CYFIP2: variants seen among roughly 807,000 people sequenced by gnomAD.
The protein encoded by CYFIP2 is cytoplasmic FMR1 interacting protein 2, also known as cytoplasmic FMR1-interacting protein 2.
Under a neutral mutation model 158.7 loss-of-function variants are expected in CYFIP2, and 29 were observed. That is an observed-to-expected ratio of 0.18 (90% CI 0.14 to 0.25). The LOEUF (loss-of-function observed/expected upper bound fraction) is 0.25. Ranked by LOEUF, CYFIP2 falls within the 10% of genes least tolerant of loss-of-function variation. The pLI is 1.00. For synonymous variants in CYFIP2, 585 were observed against 617.6 expected (o/e 0.95, Z 0.78); for missense variants, 852 against 1,639.5 (o/e 0.52, Z 8.29).
At chr5:157,325,346 A>C (rs1581063349) in intron 16 of CYFIP2, 136 bp from the exon 17 acceptor site, 1 of 946,954 alleles carries the variant, frequency 1.1e-6, no homozygotes, top group East Asian at 3.1e-5. Context: ...AAAAGAGAGC[A>C]GGATCTACTA....
chr5:157,349,869 A>T (rs1762955533), intron 23 of CYFIP2, among the ~76,000 whole-genome samples: 1 of 152,178 alleles, frequency 6.6e-6, no homozygotes, highest in Admixed American at 6.5e-5. Context: ...ATCATTAGCG[A>T]TGCTGAGCTT....
intron 23 of CYFIP2, among the ~76,000 whole-genome samples, chr5:157,358,556 C>T (rs1430381922): frequency 6.6e-6 from 1 of 152,206 alleles, no homozygotes; most frequent in African/African-American, 2.4e-5. Context: ...TAGATGGAAA[C>T]AACTAACAGT....
chr5:157,371,602 A>G (rs1245116640), intron 26 of CYFIP2, among the ~76,000 whole-genome samples: 3 of 152,200 alleles, frequency 2.0e-5, no homozygotes, highest in Non-Finnish European at 4.4e-5. Context: ...GCCAAGAGAA[A>G]TCAAGTCTCC....
At chr5:157,291,611 C>T (rs772120757) in intron 3 of CYFIP2, among the ~76,000 whole-genome samples, 31 of 152,196 alleles carry the variant, frequency 2.0e-4, no homozygotes, top group Non-Finnish European at 3.8e-4. Context: ...TGTCACTTCC[C>T]CTTTTGGACA....
chr5:157,361,296 C>T lies in CYFIP2; in HGVS notation c.2909-172C>T, dbSNP rs1763805092. On this transcript the variant is annotated intron_variant, in intron 25 of 30. Transcript: ENST00000620254. This position sits in a 1 kb window ranked among gnomAD's most constrained non-coding sequence, Gnocchi z 4.4. ...ATGAGCCAGCTACTCGAACTTTGTCCAGTACTGAGCCCTGAAAGAAATCTC... is the reference window on the plus strand; with the variant it reads ...ATGAGCCAGCTACTCGAACTTTGTCTAGTACTGAGCCCTGAAAGAAATCTC... 1 of 708,094 alleles carries T rather than the reference C, an allele frequency of 1.4e-6. No individual in the cohort carries two copies. Among genetic ancestry groups the T allele is most frequent in the African/African-American group, 1.8e-5 (1 of 55,582 alleles). 43.9% of individuals were successfully genotyped at this position (708,094 alleles called of 1,614,324 possible).
chr5:157,350,161 A>C (rs1271933230), intron 23 of CYFIP2, among the ~76,000 whole-genome samples: 1 of 152,016 alleles, frequency 6.6e-6, no homozygotes, highest in Non-Finnish European at 1.5e-5. Flanking sequence ...TTTTTGTTGC[A>C]TTTGCTTTTG....
At chr5:157,384,303 G>A (rs1766426827) in intron 28 of CYFIP2, 1 of 456,648 alleles carries the variant, frequency 2.2e-6, no homozygotes, top group Non-Finnish European at 4.4e-6. Context: ...CTCCTTTCAA[G>A]TTGATTTCAG....
chr5:157,323,530 T>C (rs1581059253), intron 15 of CYFIP2, among the ~76,000 whole-genome samples: 1 of 152,328 alleles, frequency 6.6e-6, no homozygotes, highest in Non-Finnish European at 1.5e-5. Flanking sequence ...TCAGCAGCAG[T>C]GCCTGGCCTT....
intron 1 of CYFIP2, among the ~76,000 whole-genome samples, chr5:157,272,067 C>T (rs1756145539): frequency 6.6e-6 from 1 of 152,188 alleles, no homozygotes; most frequent in African/African-American, 2.4e-5. Flanking sequence ...ACAAAGGCCA[C>T]CTCAACCTTA....
chr5:157,293,159 A>C (rs1757971751), intron 3 of CYFIP2, among the ~76,000 whole-genome samples: 1 of 152,020 alleles, frequency 6.6e-6, no homozygotes, highest in African/African-American at 2.4e-5. Flanking sequence ...GAGTTCATGC[A>C]ATTCTCCTGC....
chr5:157,342,293 G>T (rs1188107971), intron 23 of CYFIP2: 1 of 152,544 alleles, frequency 6.6e-6, no homozygotes, highest in Non-Finnish European at 1.5e-5. Context: ...TCAATTTAAA[G>T]GAAAGTATTA....
At chr5:157,339,671 A>G (rs1184503767) in intron 22 of CYFIP2, among the ~76,000 whole-genome samples, 1 of 152,252 alleles carries the variant, frequency 6.6e-6, no homozygotes, top group Non-Finnish European at 1.5e-5. Context: ...CCACAGGGCC[A>G]TGACAGTGGT....
Position 157,382,526 on chromosome 5 carries a change from A to T in CYFIP2, c.3040-64A>T, listed in dbSNP as rs1013732948. On this transcript the variant is annotated intron_variant, in intron 26 of 30. Coordinates refer to ENST00000620254, the MANE Select transcript of CYFIP2 (RefSeq NM_001037333.3). Reference sequence around the variant, plus strand: ...TAACTCCAGTGCTCAGGTTTTTAGGAATGAAAAATCTTCCTGGTTTAAAAT... The same window carrying T: ...TAACTCCAGTGCTCAGGTTTTTAGGTATGAAAAATCTTCCTGGTTTAAAAT... 70 of 1,568,894 alleles carry T rather than the reference A, an allele frequency of 4.5e-5. No individual in the cohort carries two copies. In the Middle Eastern group the frequency reaches 1.5e-3, roughly 33 times the overall value.
At chr5:157,354,653 A>G (rs912052961) in intron 23 of CYFIP2, among the ~76,000 whole-genome samples, 1 of 151,964 alleles carries the variant, frequency 6.6e-6, no homozygotes, top group African/African-American at 2.4e-5. Flanking sequence ...TCTCACATGA[A>G]ATGCATCTTG....
intron 5 of CYFIP2, among the ~76,000 whole-genome samples, chr5:157,297,559 T>C (rs1016489340): frequency 6.6e-6 from 1 of 152,160 alleles, no homozygotes; most frequent in Non-Finnish European, 1.5e-5. Flanking sequence ...TGGACCTGCC[T>C]TCGGGAGCCC....
chr5:157,352,862 G>A (rs1763160704), intron 23 of CYFIP2, among the ~76,000 whole-genome samples: 1 of 152,154 alleles, frequency 6.6e-6, no homozygotes, highest in African/African-American at 2.4e-5. Context: ...AGTGTCATAA[G>A]GGAGAAGCAG....
chr5:157,286,552 G>GTATATATATATATATATATATATA (rs34826918), intron 2 of CYFIP2, among the ~76,000 whole-genome samples: 39 of 138,112 alleles, frequency 2.8e-4, no homozygotes, highest in African/African-American at 8.2e-4. Flanking sequence ...GCTATTTTAT[G>GTATATATATATATATATATATATA]TATATATATA....
chr5:157,359,870 CCA>C (rs1173099368), intron 24 of CYFIP2, among the ~76,000 whole-genome samples: 1 of 152,156 alleles, frequency 6.6e-6, no homozygotes, highest in Non-Finnish European at 1.5e-5. Context: ...GGAGCTAAAT[CCA>C]GAGTAAAACA....
chr5:157,358,970 T>G (rs1361170440), intron 23 of CYFIP2, 35 bp from the exon 24 acceptor site: 1 of 1,613,586 alleles, frequency 6.2e-7, no homozygotes, highest in Admixed American at 1.7e-5. Context: ...CATTCAGTAC[T>G]CAGGCACTTA....
Sources: allele counts gnomAD v4.1 joint callset (sites outside exome capture counted in the v4.1 genomes callset), GRCh38; gene constraint gnomAD v4.1.1; non-coding constraint Gnocchi (gnomAD v3.1); transcripts MANE v1.5; gene names NCBI Gene and HGNC (gene_info 2026-07-23, HGNC 2026-07-21).